The following CAST variants were observed in gnomAD, a reference collection of about 807,000 sequenced individuals.
CAST encodes the protein calpastatin, also known as MIR583 host.
A neutral mutation model predicts 119.6 loss-of-function variants in CAST; 76 were observed. The observed-to-expected ratio is 0.64, with a 90% CI of 0.53 to 0.77. The LOEUF (loss-of-function observed/expected upper bound fraction) is 0.77. Ranked by LOEUF, CAST falls within the 30% of genes least tolerant of loss-of-function variation. The pLI, the probability that CAST is intolerant of heterozygous loss-of-function variation, is 0.00. For synonymous variants in CAST, 319 were observed against 331.6 expected, an observed-to-expected ratio of 0.96 and a Z score of 0.41; for missense variants, 953 against 946.5, an observed-to-expected ratio of 1.01 and a Z score of -0.09.
chr5:96,491,252 G>A, the CAST span, among the ~76,000 whole-genome samples: 773 of 151,744 alleles, frequency 5.1e-3, 11 homozygotes, highest in African/African-American at 0.018. Context: ...TTGGGAGGCC[G>A]AGGCGGGTGG....
intron 1 of CAST, among the ~76,000 whole-genome samples, chr5:96,573,269 A>T (rs1746603463): frequency 6.6e-6 from 1 of 151,766 alleles, no homozygotes; most frequent in African/African-American, 2.4e-5. Context: ...TTACCTTGAA[A>T]TGTAATTTTT....
the CAST span, among the ~76,000 whole-genome samples, chr5:96,393,558 T>C: frequency 5.6e-4 from 86 of 152,264 alleles, no homozygotes; most frequent in African/African-American, 1.9e-3. Flanking sequence ...GCCTACCCTC[T>C]GGGGTACCTT....
the CAST span, among the ~76,000 whole-genome samples, chr5:96,175,961 G>C: frequency 6.6e-6 from 1 of 152,174 alleles, no homozygotes; most frequent in African/African-American, 2.4e-5. Flanking sequence ...CTCTAGTAAT[G>C]TTATTTCCTT....
At chr5:96,212,571 T>G in the CAST span, among the ~76,000 whole-genome samples, 1 of 152,062 alleles carries the variant, frequency 6.6e-6, no homozygotes, top group Admixed American at 6.6e-5. Flanking sequence ...TCTGGTGGAG[T>G]GTTCCATAAA....
chr5:96,662,240 C>T, upstream of CAST: 1 of 637,256 alleles, frequency 1.6e-6, no homozygotes, highest in East Asian at 3.7e-5. Flanking sequence ...AGGGGAGGGC[C>T]CATCGGGGCT....
the CAST span, among the ~76,000 whole-genome samples, chr5:96,336,186 G>A: frequency 1.8e-4 from 28 of 152,202 alleles, no homozygotes; most frequent in African/African-American, 4.8e-4. Context: ...CCTACCACCC[G>A]CTGCCCCCTA....
At chr5:96,748,824 C>T (rs1025391300) in intron 19 of CAST, 17 of 442,394 alleles carry the variant, frequency 3.8e-5, no homozygotes, top group East Asian at 3.2e-4. Context: ...ATGACTCCTT[C>T]GGAAAGCTCT....
At chr5:96,198,889 A>G in the CAST span, among the ~76,000 whole-genome samples, 1 of 152,080 alleles carries the variant, frequency 6.6e-6, no homozygotes, top group Non-Finnish European at 1.5e-5. Context: ...CCAAAGCACA[A>G]TTGTGTGCTG....
At position 96,717,033 on chromosome 5, in the gene CAST, A is replaced by G. The variant is rs543143082; in HGVS notation, c.211-5606A>G. 2.0e-5 allele frequency among the ~76,000 whole-genome samples: 3 copies of G among 152,302 alleles called. No individual in the cohort carries two copies. The South Asian group carries it at 6.2e-4, about 32-fold the overall frequency. On this transcript the variant is annotated intron_variant, in intron 3 of 31. Coordinates refer to ENST00000675179, the MANE Select transcript of CAST (RefSeq NM_001750.7). ...AAAAAACTTAAAGTATTAAAACTGT[A>G]TCTTATTCTGTGTTTAAATGAGACT...
chr5:96,021,668 T>A, the CAST span, among the ~76,000 whole-genome samples: 387 of 152,164 alleles, frequency 2.5e-3, 2 homozygotes, highest in East Asian at 9.7e-3. Context: ...GGATGGTCTT[T>A]ATCTCCTGAC....
chr5:96,609,953 G>A (rs1310620167), intron 1 of CAST, among the ~76,000 whole-genome samples: 1 of 152,020 alleles, frequency 6.6e-6, no homozygotes. Flanking sequence ...GATTTGGGAG[G>A]GGCCAGAGGT....
At chr5:96,091,733 T>G in the CAST span, among the ~76,000 whole-genome samples, 9 of 151,004 alleles carry the variant, frequency 6.0e-5, no homozygotes, top group African/African-American at 1.9e-4. Flanking sequence ...CTCAAGCTCC[T>G]GGACTCGTGA....
intron 1 of CAST, among the ~76,000 whole-genome samples, chr5:96,596,005 G>T (rs1238240816): frequency 6.6e-6 from 1 of 152,132 alleles, no homozygotes; most frequent in Non-Finnish European, 1.5e-5. Flanking sequence ...CTGCAAATGG[G>T]GTGGTCTCTA....
At chr5:96,593,034 G>T (rs10085108) in intron 1 of CAST, among the ~76,000 whole-genome samples, 31,109 of 152,144 alleles carry the variant, frequency 0.2, 4,075 homozygotes, top group Non-Finnish European at 0.29. Flanking sequence ...CAAAGTCCTG[G>T]GATTACAGGC....
intron 2 of CAST, among the ~76,000 whole-genome samples, chr5:96,693,675 G>A (rs762765414): frequency 2.6e-5 from 4 of 152,150 alleles, no homozygotes; most frequent in South Asian, 2.1e-4. Context: ...TATGTCTTAC[G>A]TCCAGTCTTT....
At chr5:96,714,303 CTG>C (rs1455309002) in intron 3 of CAST, among the ~76,000 whole-genome samples, 3 of 152,224 alleles carry the variant, frequency 2.0e-5, no homozygotes, top group African/African-American at 7.2e-5. Flanking sequence ...CTCTTAACCT[CTG>C]TGTTTCCCAA....
chr5:96,425,760 A>G, the CAST span: 1 of 910,226 alleles, frequency 1.1e-6, no homozygotes, highest in Non-Finnish European at 1.8e-6. Context: ...TTGCAAATGT[A>G]ACAACATAAA....
At chr5:96,516,865 G>C in the CAST span, among the ~76,000 whole-genome samples, 3 of 152,174 alleles carry the variant, frequency 2.0e-5, no homozygotes, top group African/African-American at 7.2e-5. Context: ...CTACTTTTTA[G>C]ACTCCCAAAA....
the CAST span, among the ~76,000 whole-genome samples, chr5:96,273,202 A>C: frequency 6.6e-6 from 1 of 152,170 alleles, no homozygotes; most frequent in African/African-American, 2.4e-5. Flanking sequence ...AAAATGAGCT[A>C]TTGTTTAAGA....
Sources: allele counts gnomAD v4.1 joint callset (sites outside exome capture counted in the v4.1 genomes callset), GRCh38; gene constraint gnomAD v4.1.1; transcripts MANE v1.5; gene names NCBI Gene and HGNC (gene_info 2026-07-23, HGNC 2026-07-21).